NEDD9: variants seen among roughly 807,000 people sequenced by gnomAD.
NEDD9 encodes neural precursor cell expressed, developmentally down-regulated 9.
A neutral mutation model predicts 76.6 loss-of-function variants in NEDD9; 26 were observed. That is an observed-to-expected ratio of 0.34 (90% CI 0.25 to 0.47). NEDD9 has a LOEUF of 0.47. Among genes scored for constraint, NEDD9 ranks in the 20% least tolerant of loss-of-function variants. The pLI, the probability that NEDD9 is intolerant of heterozygous loss-of-function variation, is 1.00. For missense variants in NEDD9, 937 were observed against 1,058.5 expected, an observed-to-expected ratio of 0.89 and a Z score of 1.59; for synonymous variants, 392 against 414.2, an observed-to-expected ratio of 0.95 and a Z score of 0.65.
chr6:11,231,412 C>T (rs578138274), intron 1 of NEDD9, among the ~76,000 whole-genome samples: 1 of 152,298 alleles, frequency 6.6e-6, no homozygotes, highest in South Asian at 2.1e-4. Flanking sequence ...ATCAGTTAGA[C>T]CAAGTATTTA....
At chr6:11,194,468 T>C (rs935520205) in intron 2 of NEDD9, among the ~76,000 whole-genome samples, 6 of 152,354 alleles carry the variant, frequency 3.9e-5, no homozygotes, top group African/African-American at 1.2e-4. Flanking sequence ...TGCCTCTTCA[T>C]TGGACATTAT....
At chr6:11,210,766 G>GGAGAGAGAGAGAGAGAGA (rs147934321) in intron 2 of NEDD9, among the ~76,000 whole-genome samples, 10 of 121,928 alleles carry the variant, frequency 8.2e-5, no homozygotes, top group East Asian at 7.9e-4. Flanking sequence ...AGGGATGGGG[G>GGAGAGAGAGAGAGAGAGA]GAGAGAGAGA....
At chr6:11,360,965 C>T (rs1762670565) in intron 1 of NEDD9, among the ~76,000 whole-genome samples, 1 of 152,174 alleles carries the variant, frequency 6.6e-6, no homozygotes, top group African/African-American at 2.4e-5. Flanking sequence ...CAAAGTAAAA[C>T]TAATGTATCA....
In NEDD9 at chr6:11,191,551, G is replaced by C. The variant is rs191926079; in HGVS notation, c.664-346C>G. ...CCAGAGTTCTCCCCCGGTCTTTTTG[G>C]TTATCACACCAGCTGTGTGATGCTG... On this transcript the variant is annotated intron_variant, in intron 4 of 6. Coordinates refer to ENST00000379446, the MANE Select transcript of NEDD9 (RefSeq NM_006403.4). 2.3e-4 allele frequency among the ~76,000 whole-genome samples: 35 copies of C among 152,262 alleles called. 1 individual carries two copies. In the East Asian group the frequency reaches 6.0e-3, roughly 26 times the overall value.
chr6:11,355,150 G>T (rs536291488), intron 1 of NEDD9, among the ~76,000 whole-genome samples: 1 of 152,176 alleles, frequency 6.6e-6, no homozygotes, highest in African/African-American at 2.4e-5. Flanking sequence ...ATATGGTATG[G>T]TGGGTCTGAA....
chr6:11,368,046 G>A (rs1020632132), intron 1 of NEDD9, among the ~76,000 whole-genome samples: 2 of 152,178 alleles, frequency 1.3e-5, no homozygotes, highest in Non-Finnish European at 2.9e-5. Context: ...CGTGGATGAG[G>A]CTGGTTCTGT....
intron 2 of NEDD9, among the ~76,000 whole-genome samples, chr6:11,327,202 G>C (rs1373420120): frequency 6.6e-6 from 1 of 152,162 alleles, no homozygotes; most frequent in Non-Finnish European, 1.5e-5. Context: ...TTTGAAGAAA[G>C]AGACAATCGG....
intron 3 of NEDD9, among the ~76,000 whole-genome samples, chr6:11,281,192 C>A (rs940912254): frequency 2.6e-5 from 4 of 152,206 alleles, no homozygotes; most frequent in Non-Finnish European, 5.9e-5. Flanking sequence ...CCAAGAACTA[C>A]CCTTTTAAGT....
intron 3 of NEDD9, among the ~76,000 whole-genome samples, chr6:11,305,605 G>T (rs1761163192): frequency 3.3e-5 from 5 of 152,198 alleles, no homozygotes; most frequent in Admixed American, 2.0e-4. Flanking sequence ...GAAGGTGACT[G>T]GCAAACAGAG....
chr6:11,368,568 A>G (rs1177320085), intron 1 of NEDD9, among the ~76,000 whole-genome samples: 1 of 152,238 alleles, frequency 6.6e-6, no homozygotes. Context: ...CTGATGACTG[A>G]CACACAGAAG....
intron 1 of NEDD9, among the ~76,000 whole-genome samples, chr6:11,224,437 C>T (rs1759243838): frequency 6.6e-6 from 1 of 152,080 alleles, no homozygotes; most frequent in African/African-American, 2.4e-5. Context: ...TGGAGAGGGT[C>T]AGGGAAGCGG....
At chr6:11,243,395 A>G (rs1369238118) in intron 3 of NEDD9, among the ~76,000 whole-genome samples, 1 of 152,242 alleles carries the variant, frequency 6.6e-6, no homozygotes, top group Non-Finnish European at 1.5e-5. Flanking sequence ...CTCTTGTCTA[A>G]TGGCTGTCAG....
chr6:11,192,498 AT>A (rs1321146011), intron 3 of NEDD9, 52 bp from the exon 4 acceptor site: 3 of 1,327,626 alleles, frequency 2.3e-6, no homozygotes, highest in African/African-American at 1.5e-5. Flanking sequence ...ATACTTGGTC[AT>A]TTTTTATGCT....
intron 3 of NEDD9, 148 bp from the exon 4 acceptor site, chr6:11,192,594 GCC>G: frequency 2.4e-6 from 1 of 416,324 alleles, no homozygotes; most frequent in South Asian, 3.1e-5. Context: ...CAGATTTATT[GCC>G]TTTTTTTTTA....
At chr6:11,340,910 TC>T (rs1762260760) in intron 1 of NEDD9, among the ~76,000 whole-genome samples, 1 of 152,156 alleles carries the variant, frequency 6.6e-6, no homozygotes, top group African/African-American at 2.4e-5. Context: ...ACAGTGTCTT[TC>T]CCACCACCAT....
intron 6 of NEDD9, among the ~76,000 whole-genome samples, chr6:11,187,547 A>AAGAG (rs151140554): frequency 0.014 from 2,075 of 150,662 alleles, 43 homozygotes; most frequent in Non-Finnish European, 0.022. Flanking sequence ...TAGAGACAGA[A>AAGAG]AGAGAGAGAG....
chr6:11,192,315 C>T, intron 4 of NEDD9, 30 bp downstream of exon 4: 3 of 1,305,152 alleles, frequency 2.3e-6, no homozygotes, highest in Non-Finnish European at 2.1e-6. Flanking sequence ...ACACACACTC[C>T]TTTTTGCTGC....
At chr6:11,307,424 C>G (rs551033277) in intron 2 of NEDD9, among the ~76,000 whole-genome samples, 1 of 152,272 alleles carries the variant, frequency 6.6e-6, no homozygotes, top group African/African-American at 2.4e-5. Flanking sequence ...CTGCCTGAAC[C>G]CATGTGTGGT....
chr6:11,315,368 G>T (rs1321294247), intron 2 of NEDD9, among the ~76,000 whole-genome samples: 1 of 152,210 alleles, frequency 6.6e-6, no homozygotes, highest in Non-Finnish European at 1.5e-5. Flanking sequence ...TCTTTGGCAG[G>T]AAAGACTGTG....
Sources: allele counts gnomAD v4.1 joint callset (sites outside exome capture counted in the v4.1 genomes callset), GRCh38; gene constraint gnomAD v4.1.1; transcripts MANE v1.5; gene names NCBI Gene and HGNC (gene_info 2026-07-23, HGNC 2026-07-21).